Variants in GRIK1 observed in about 807,000 individuals in gnomAD.
The protein encoded by GRIK1 is glutamate ionotropic receptor kainate type subunit 1.
A neutral mutation model predicts 105.7 loss-of-function variants in GRIK1; 69 were observed. That is an observed-to-expected ratio of 0.65 (90% CI 0.54 to 0.80). GRIK1 has a LOEUF of 0.80. Among genes scored for constraint, GRIK1 ranks in the 30% least tolerant of loss-of-function variants. GRIK1 has a pLI of 0.00. For synonymous variants in GRIK1, 438 were observed against 431.3 expected (o/e 1.02, Z -0.19); for missense variants, 1,109 against 1,167.3 (o/e 0.95, Z 0.73).
chr21:29,825,115 A>G (rs1363723201), intron 1 of GRIK1, among the ~76,000 whole-genome samples: 1 of 152,122 alleles, frequency 6.6e-6, no homozygotes, highest in Non-Finnish European at 1.5e-5. Context: ...TGATTAAAGA[A>G]TAATTCGGTT....
chr21:29,888,195 TTCTCTC>T (rs780446480), intron 1 of GRIK1, among the ~76,000 whole-genome samples: 15 of 22,198 alleles, frequency 6.8e-4, no homozygotes, highest in African/African-American at 9.9e-4. Context: ...CTTTCTTTCT[TTCTCTC>T]TCTCTCTCTC....
chr21:29,659,990 A>G (rs900184265), intron 4 of GRIK1, among the ~76,000 whole-genome samples: 1 of 151,838 alleles, frequency 6.6e-6, no homozygotes, highest in African/African-American at 2.4e-5. Flanking sequence ...AAAAAACCCA[A>G]CAACAACAAC....
chr21:29,670,105 C>T (rs930836460), intron 4 of GRIK1, among the ~76,000 whole-genome samples: 3 of 152,110 alleles, frequency 2.0e-5, no homozygotes, highest in Admixed American at 6.5e-5. Context: ...ACATGCAATA[C>T]GGTAGGAATT....
chr21:29,716,925 G>T (rs2064193103), intron 1 of GRIK1, among the ~76,000 whole-genome samples: 1 of 152,196 alleles, frequency 6.6e-6, no homozygotes, highest in Non-Finnish European at 1.5e-5. Context: ...GGAGGCCTAG[G>T]AGGGAGAAAT....
intron 1 of GRIK1, among the ~76,000 whole-genome samples, chr21:29,817,032 A>T (rs1386684775): frequency 6.6e-6 from 1 of 152,144 alleles, no homozygotes; most frequent in Non-Finnish European, 1.5e-5. Flanking sequence ...GCATCAAAAT[A>T]TCAGATGTAC....
At chr21:29,700,773 C>T (rs533406397) in intron 1 of GRIK1, among the ~76,000 whole-genome samples, 1 of 152,252 alleles carries the variant, frequency 6.6e-6, no homozygotes, top group South Asian at 2.1e-4. Context: ...TTCCATCTGT[C>T]TCTAGATTAA....
chr21:29,899,006 T>C (rs1216085423), intron 1 of GRIK1, among the ~76,000 whole-genome samples: 1 of 152,082 alleles, frequency 6.6e-6, no homozygotes, highest in Non-Finnish European at 1.5e-5. Context: ...TCTACTTATA[T>C]AATCTAATGG....
chr21:29,678,973 G>A (rs726002), intron 3 of GRIK1, among the ~76,000 whole-genome samples: 7,632 of 152,226 alleles, frequency 0.05, 386 homozygotes, highest in African/African-American at 0.13. Context: ...TGGGAAAATG[G>A]AAGGAACTAT....
chr21:29,744,010 T>C (rs780930260), intron 1 of GRIK1, among the ~76,000 whole-genome samples: 69 of 152,318 alleles, frequency 4.5e-4, no homozygotes, highest in Admixed American at 1.4e-3. Context: ...TGAAATAATC[T>C]GTACAACAAA....
rs112864014 is a variant in GRIK1, at chr21:29,707,858, T to C, written c.119-13795A>G. On this transcript the variant is annotated intron_variant, in intron 1 of 17. Transcript: ENST00000327783. ...ACATAATCCACCTTTTCAATGGCTA[T>C]TTAATATTTCATTGTCTGGATATGT... Among the ~76,000 whole-genome samples the C allele has an allele frequency of 7.3e-3, 1,106 of 152,280 alleles. 16 individuals are homozygous for C. The highest frequency in any genetic ancestry group is 0.026 in the African/African-American group (1,060 of 41,560).
intron 14 of GRIK1, among the ~76,000 whole-genome samples, chr21:29,570,437 G>A (rs143071136): frequency 0.024 from 3,676 of 151,982 alleles, 150 homozygotes; most frequent in African/African-American, 0.083. Context: ...GGGAGGCGGA[G>A]GTCACAGTGA....
chr21:29,789,638 C>T (rs1367659880), intron 1 of GRIK1, among the ~76,000 whole-genome samples: 1 of 152,186 alleles, frequency 6.6e-6, no homozygotes, highest in Non-Finnish European at 1.5e-5. Context: ...TACCCCTTCC[C>T]TTATCGCAGT....
At chr21:29,537,977 C>T (rs982456380) in intron 16 of GRIK1, 93 bp from the exon 17 acceptor site, 23 of 651,402 alleles carry the variant, frequency 3.5e-5, no homozygotes, top group South Asian at 3.5e-4. Context: ...CAGCTGTGGT[C>T]GAAATGAAAA....
chr21:29,566,590 G>A (rs1234745310), intron 14 of GRIK1, among the ~76,000 whole-genome samples: 2 of 152,018 alleles, frequency 1.3e-5, no homozygotes, highest in African/African-American at 4.8e-5. Context: ...ATACATTCAA[G>A]TTAAACACTC....
chr21:29,614,968 T>C lies in GRIK1; in HGVS notation c.1099-16031A>G, dbSNP rs576385536. ...AGCATCACAAAGGCAGGGATGGGTA[T>C]CTCTTGTGTACACTAATATATCCCA... is the stretch of plus-strand genomic sequence containing the variant. On this transcript the variant is annotated intron_variant, in intron 7 of 17. Coordinates refer to ENST00000327783, the MANE Select transcript of GRIK1 (RefSeq NM_001330994.2). Among the ~76,000 whole-genome samples the C allele has an allele frequency of 9.2e-5, 14 of 151,670 alleles. 1 individual carries two copies. The highest frequency in any genetic ancestry group is 3.4e-4 in the African/African-American group (14 of 40,988).
chr21:29,828,816 C>T (rs1243429691), intron 1 of GRIK1, among the ~76,000 whole-genome samples: 4 of 152,220 alleles, frequency 2.6e-5, no homozygotes, highest in East Asian at 3.9e-4. Flanking sequence ...TTCTTTAGTT[C>T]TTATACCACC....
intron 4 of GRIK1, chr21:29,657,836 G>A (rs567093859): frequency 6.6e-6 from 1 of 152,270 alleles, no homozygotes; most frequent in East Asian, 1.9e-4. Context: ...TTCCCATTTT[G>A]ATTTTCTCTC....
At chr21:29,796,587 C>A (rs576410666) in intron 1 of GRIK1, among the ~76,000 whole-genome samples, 1 of 151,980 alleles carries the variant, frequency 6.6e-6, no homozygotes, top group Non-Finnish European at 1.5e-5. Flanking sequence ...AGAAGTGCAG[C>A]GTATCTGTTT....
chr21:29,572,772 T>TC (rs1025704478), intron 14 of GRIK1, among the ~76,000 whole-genome samples: 5 of 150,760 alleles, frequency 3.3e-5, no homozygotes, highest in South Asian at 2.1e-4. Context: ...GTCTTTTTTT[T>TC]TTCTTCTTCT....
Sources: allele counts gnomAD v4.1 joint callset (sites outside exome capture counted in the v4.1 genomes callset), GRCh38; gene constraint gnomAD v4.1.1; transcripts MANE v1.5; gene names NCBI Gene and HGNC (gene_info 2026-07-23, HGNC 2026-07-21).